Variants in SAMD5 observed in about 807,000 individuals in gnomAD.
The protein encoded by SAMD5 is sterile alpha motif domain-containing protein 5.
A neutral mutation model predicts 11.3 loss-of-function variants in SAMD5; 13 were observed. The observed-to-expected ratio is 1.15, with a 90% CI of 0.75 to 1.83. The LOEUF (loss-of-function observed/expected upper bound fraction) is 1.83. SAMD5 is among the 40% of genes most tolerant of loss of function. The probability of loss-of-function intolerance (pLI) is 0.00; values close to 1 mark genes in which losing one functional copy is unlikely to be tolerated. For synonymous variants in SAMD5, 129 were observed against 111.3 expected (o/e 1.16, Z -1.00); for missense variants, 255 against 239.1 (o/e 1.07, Z -0.44).
chr6:147,917,970 A>G, the SAMD5 span, among the ~76,000 whole-genome samples: 1 of 152,196 alleles, frequency 6.6e-6, no homozygotes, highest in African/African-American at 2.4e-5. Flanking sequence ...GCCTTGTAGT[A>G]TAGTTTGAAG....
chr6:147,770,917 T>C, the SAMD5 span, among the ~76,000 whole-genome samples: 2 of 152,172 alleles, frequency 1.3e-5, no homozygotes, highest in Non-Finnish European at 2.9e-5. Context: ...GAAACTAAGT[T>C]CATTCTACAG....
intron 1 of SAMD5, among the ~76,000 whole-genome samples, chr6:147,730,533 G>T (rs540156114): frequency 6.6e-6 from 1 of 152,180 alleles, no homozygotes; most frequent in Non-Finnish European, 1.5e-5. Context: ...CAGGTTTGGG[G>T]AAGATTATCA....
Position 147,567,567 on chromosome 6 carries a change from G to T in SAMD5, c.*3111G>T, listed in dbSNP as rs1789062020. The T allele has an allele frequency of 1.1e-6, 1 of 880,282 alleles. No individual in the cohort carries two copies. The highest frequency in any genetic ancestry group is 1.8e-5 in the African/African-American group (1 of 55,264). The allele number at this position is 880,282 out of a possible 1,614,324, so 54.5% of individuals were successfully genotyped here. On this transcript the variant is annotated 3_prime_UTR_variant, in exon 2 of 2. Coordinates refer to ENST00000367474, the MANE Select transcript of SAMD5 (RefSeq NM_001030060.3). ...ATAAATACCTCTATAGCTCTTAAGA[G>T]GCTTAAGAGTTCTATGGCTTACACC... is the stretch of plus-strand genomic sequence containing the variant.
At chr6:147,695,558 T>G (rs1791163216) in intron 1 of SAMD5, among the ~76,000 whole-genome samples, 1 of 152,220 alleles carries the variant, frequency 6.6e-6, no homozygotes, top group South Asian at 2.1e-4. Context: ...ATATGATAAC[T>G]TTTTCTTTCA....
At chr6:147,759,480 A>T in the SAMD5 span, among the ~76,000 whole-genome samples, 1 of 152,086 alleles carries the variant, frequency 6.6e-6, no homozygotes, top group Non-Finnish European at 1.5e-5. Context: ...TTTGATAATG[A>T]TCTGATAGCA....
intron 1 of SAMD5, among the ~76,000 whole-genome samples, chr6:147,535,827 T>C: frequency 6.6e-6 from 1 of 152,124 alleles, no homozygotes; most frequent in East Asian, 1.9e-4. Flanking sequence ...TAGAAAGTGA[T>C]ATTTTTTATT....
At chr6:147,806,316 G>GCACA in the SAMD5 span, among the ~76,000 whole-genome samples, 20 of 150,342 alleles carry the variant, frequency 1.3e-4, no homozygotes, top group Admixed American at 7.9e-4. Context: ...GCGCGCGCGC[G>GCACA]CGCACACACA....
intron 1 of SAMD5, among the ~76,000 whole-genome samples, chr6:147,704,756 T>C (rs908607961): frequency 3.9e-5 from 6 of 152,304 alleles, no homozygotes; most frequent in Admixed American, 3.9e-4. Context: ...CCTGTGTTTT[T>C]TAAAAAATAC....
chr6:147,838,323 G>A, the SAMD5 span, among the ~76,000 whole-genome samples: 4 of 152,102 alleles, frequency 2.6e-5, no homozygotes, highest in Admixed American at 2.6e-4. Context: ...CCTGGAGGCA[G>A]GTATCATGGT....
chr6:147,835,240 A>AAAAAAC, the SAMD5 span, among the ~76,000 whole-genome samples: 3 of 150,648 alleles, frequency 2.0e-5, no homozygotes, highest in Non-Finnish European at 4.4e-5. Flanking sequence ...CTTAAAAAAA[A>AAAAAAC]AAAAAACAAA....
intron 1 of SAMD5, among the ~76,000 whole-genome samples, chr6:147,552,733 CG>C (rs2128443252): frequency 6.6e-6 from 1 of 152,118 alleles, no homozygotes; most frequent in African/African-American, 2.4e-5. Flanking sequence ...GGCGGGGTTG[CG>C]GAGGCGCAGT....
At chr6:147,584,412 T>A (rs1789345009) in intron 1 of SAMD5, among the ~76,000 whole-genome samples, 1 of 152,226 alleles carries the variant, frequency 6.6e-6, no homozygotes. Flanking sequence ...TTGCCATGGA[T>A]GCTTCTTATC....
chr6:147,533,191 A>G (rs1399863616), intron 1 of SAMD5, among the ~76,000 whole-genome samples: 1 of 152,110 alleles, frequency 6.6e-6, no homozygotes, highest in African/African-American at 2.4e-5. Flanking sequence ...CTTGCAGGGC[A>G]TGATGTTTAT....
the SAMD5 span, among the ~76,000 whole-genome samples, chr6:147,828,007 C>G: frequency 6.6e-6 from 1 of 151,886 alleles, no homozygotes; most frequent in South Asian, 2.1e-4. Context: ...GCCGTGGTCT[C>G]GATCTCCTGA....
the SAMD5 span, among the ~76,000 whole-genome samples, chr6:147,803,429 T>A: frequency 6.6e-6 from 1 of 152,174 alleles, no homozygotes; most frequent in Non-Finnish European, 1.5e-5. Context: ...CTCTAGTCAG[T>A]TCTTTCATCT....
At chr6:147,758,467 C>A in the SAMD5 span, among the ~76,000 whole-genome samples, 1 of 152,236 alleles carries the variant, frequency 6.6e-6, no homozygotes, top group Non-Finnish European at 1.5e-5. Flanking sequence ...GGAGAGCCAG[C>A]AACCATGGCT....
chr6:147,910,046 A>AGTTTTCATAGAGCATTTG, the SAMD5 span, among the ~76,000 whole-genome samples: 1 of 152,132 alleles, frequency 6.6e-6, no homozygotes, highest in East Asian at 1.9e-4. Context: ...TAGAGCATTT[A>AGTTTTCATAGAGCATTTG]GTTTTCATAG....
chr6:147,633,250 T>A (rs1344896536), intron 1 of SAMD5, among the ~76,000 whole-genome samples: 1 of 152,200 alleles, frequency 6.6e-6, no homozygotes, highest in East Asian at 1.9e-4. Context: ...TAGTAATTAC[T>A]TTAGATAATC....
At chr6:147,853,400 T>A in the SAMD5 span, among the ~76,000 whole-genome samples, 1 of 151,986 alleles carries the variant, frequency 6.6e-6, no homozygotes, top group Non-Finnish European at 1.5e-5. Flanking sequence ...AGCAGGAAGC[T>A]AAATTAATAT....
Sources: gnomAD v4.1 joint callset for allele counts (sites outside exome capture counted in the v4.1 genomes callset) on GRCh38, gnomAD v4.1.1 for gene constraint, MANE v1.5 for transcripts, NCBI Gene and HGNC (gene_info 2026-07-23, HGNC 2026-07-21) for gene names.